The following TPTE variants were observed in gnomAD, a reference collection of about 807,000 sequenced individuals.
The protein encoded by TPTE is putative tyrosine-protein phosphatase TPTE.
A neutral mutation model predicts 84.1 loss-of-function variants in TPTE; 59 were observed. The observed-to-expected ratio is 0.70, with a 90% confidence interval of 0.57 to 0.87. TPTE has a LOEUF of 0.87. Among genes scored for constraint, TPTE ranks in the 40% least tolerant of loss-of-function variants. The probability of loss-of-function intolerance (pLI) is 0.00; values close to 1 mark genes in which losing one functional copy is unlikely to be tolerated. For missense variants in TPTE, 382 were observed against 659.6 expected, an observed-to-expected ratio of 0.58 and a Z score of 4.61; for synonymous variants, 130 against 223.5, an observed-to-expected ratio of 0.58 and a Z score of 3.73.
intron 17 of TPTE, among the ~76,000 whole-genome samples, chr21:10,578,985 CAA>C (rs1312591992): frequency 6.6e-6 from 1 of 152,266 alleles, no homozygotes; most frequent in Non-Finnish European, 1.5e-5. Flanking sequence ...TTTAAATTAA[CAA>C]ATAAAAAACC....
chr21:10,522,574 C>G (rs112259385), intron 1 of TPTE, among the ~76,000 whole-genome samples: 14 of 152,422 alleles, frequency 9.2e-5, no homozygotes, highest in African/African-American at 3.1e-4. Context: ...TAGTTTTAAT[C>G]TGCATTTCTC....
chr21:10,584,993 G>A (rs2075336941), intron 17 of TPTE, among the ~76,000 whole-genome samples: 1 of 152,310 alleles, frequency 6.6e-6, no homozygotes, highest in South Asian at 2.1e-4. Context: ...CACTTTGGGA[G>A]GCCCAGTGGG....
intron 3 of TPTE, among the ~76,000 whole-genome samples, chr21:10,534,539 A>G (rs1249798283): frequency 2.0e-5 from 3 of 152,304 alleles, no homozygotes; most frequent in African/African-American, 7.2e-5. Context: ...TTCACATGGT[A>G]TTTGATTATG....
intron 1 of TPTE, among the ~76,000 whole-genome samples, chr21:10,524,107 G>T (rs954135687): frequency 3.3e-5 from 5 of 152,308 alleles, no homozygotes; most frequent in Admixed American, 6.5e-5. Flanking sequence ...TGGACACAGA[G>T]TTCTTACTAC....
At chr21:10,599,851 C>T (rs1401241205) in intron 21 of TPTE, among the ~76,000 whole-genome samples, 2 of 152,036 alleles carry the variant, frequency 1.3e-5, no homozygotes, top group Admixed American at 1.3e-4. Context: ...TCCTTCCTTT[C>T]TTCCTTTCCT....
At chr21:10,605,295 G>A (rs1198468284) in intron 23 of TPTE, 122 bp from the exon 24 acceptor site, 10 of 1,335,454 alleles carry the variant, frequency 7.5e-6, no homozygotes, top group Non-Finnish European at 1.0e-5. Flanking sequence ...CAAAAAAAGG[G>A]CTGAGGTTCT....
At chr21:10,538,633 T>A (rs1219079443) in intron 3 of TPTE, 48 bp from the exon 4 acceptor site, 1 of 1,613,366 alleles carries the variant, frequency 6.2e-7, no homozygotes, top group Non-Finnish European at 8.5e-7. Flanking sequence ...GAAAAGTAAA[T>A]TTTGAATTGT....
chr21:10,526,476 A>T lies in TPTE; in HGVS notation c.-101-879A>T, dbSNP rs1324040742. On this transcript the variant is annotated intron_variant, in intron 2 of 23. Transcript: ENST00000618007. The stretch of plus-strand genomic sequence containing the variant: ...CTCACACATTTCCACTGTGAGAAAG[A>T]GGTTCTGTGGTCAAATAGGTTAAGA... 2.6e-5 allele frequency among the ~76,000 whole-genome samples: 4 copies of T among 152,428 alleles called. No individual in the cohort carries two copies. The East Asian group carries it at 7.7e-4, about 29-fold the overall frequency.
intron 2 of TPTE, among the ~76,000 whole-genome samples, chr21:10,526,778 A>G (rs1475046151): frequency 6.6e-6 from 1 of 152,308 alleles, no homozygotes; most frequent in Non-Finnish European, 1.5e-5. Context: ...AAAATGCTGA[A>G]TATTCAGCAT....
chr21:10,539,797 A>G (rs1270432393), intron 4 of TPTE, among the ~76,000 whole-genome samples: 1 of 152,300 alleles, frequency 6.6e-6, no homozygotes, highest in Non-Finnish European at 1.5e-5. Flanking sequence ...GGATAACGAG[A>G]TCAGTAGTTC....
chr21:10,572,004 CAA>C (rs59120761), intron 14 of TPTE, among the ~76,000 whole-genome samples: 24,613 of 137,424 alleles, frequency 0.18, no homozygotes, highest in Non-Finnish European at 0.23. Context: ...TACCCTGTCT[CAA>C]AAAAAAAAAA....
intron 4 of TPTE, among the ~76,000 whole-genome samples, chr21:10,539,637 G>A (rs2074330359): frequency 6.6e-6 from 1 of 152,310 alleles, no homozygotes; most frequent in Admixed American, 6.5e-5. Flanking sequence ...AGTATGATGT[G>A]TAGGGTAAAT....
intron 7 of TPTE, among the ~76,000 whole-genome samples, chr21:10,546,610 A>T (rs2074472785): frequency 1.3e-5 from 2 of 152,312 alleles, no homozygotes; most frequent in South Asian, 2.1e-4. Flanking sequence ...GAAAATTAAG[A>T]CTGCTACTCC....
intron 12 of TPTE, 40 bp from the exon 13 acceptor site, chr21:10,569,640 TTGA>T (rs761952219): frequency 2.4e-5 from 38 of 1,613,854 alleles, no homozygotes; most frequent in Admixed American, 3.3e-5. Context: ...TATTTTTATG[TTGA>T]TGAGTGTTTC....
At chr21:10,533,310 C>G (rs1171638568) in intron 3 of TPTE, among the ~76,000 whole-genome samples, 1 of 152,306 alleles carries the variant, frequency 6.6e-6, no homozygotes, top group African/African-American at 2.4e-5. Context: ...TCTTACGACT[C>G]CCATTCTCAT....
chr21:10,566,712 C>T (rs2074928963), intron 10 of TPTE, among the ~76,000 whole-genome samples: 1 of 152,308 alleles, frequency 6.6e-6, no homozygotes. Context: ...TGCACTGGCT[C>T]ATGCCTGTAA....
chr21:10,533,359 T>C (rs240446), intron 3 of TPTE, among the ~76,000 whole-genome samples: 1 of 152,176 alleles, frequency 6.6e-6, no homozygotes, highest in Non-Finnish European at 1.5e-5. Flanking sequence ...CTCTTATCCT[T>C]AAGAATATTT....
rs1465854712 is a variant in TPTE at position 10,576,229 on chromosome 21, G to A, written c.796-1231G>A. 7.6e-4 allele frequency: 130 copies of A among 171,960 alleles called. No individual in the cohort carries two copies. In the South Asian group the frequency reaches 9.0e-3, roughly 12 times the overall value. The allele number at this position is 171,960 out of a possible 1,614,324, so 10.7% of individuals were successfully genotyped here. On this transcript the variant is annotated intron_variant, in intron 14 of 23. Coordinates refer to ENST00000618007, the MANE Select transcript of TPTE (RefSeq NM_199261.4). Reference sequence around the variant, plus strand: ...ATAAAGAAAATATGGTACATAGAGCGGGACATCTGGCTTCTGAGCGGGAAC... The same window carrying A: ...ATAAAGAAAATATGGTACATAGAGCAGGACATCTGGCTTCTGAGCGGGAAC...
intron 9 of TPTE, among the ~76,000 whole-genome samples, chr21:10,560,638 A>G (rs2074780539): frequency 6.6e-6 from 1 of 152,312 alleles, no homozygotes; most frequent in African/African-American, 2.4e-5. Flanking sequence ...ATTCTTTAGA[A>G]TTATCCAGAT....
Sources: allele counts gnomAD v4.1 joint callset (sites outside exome capture counted in the v4.1 genomes callset), GRCh38; gene constraint gnomAD v4.1.1; transcripts MANE v1.5; gene names NCBI Gene and HGNC (gene_info 2026-07-23, HGNC 2026-07-21).